Variants in BLK observed in about 807,000 individuals in gnomAD.
BLK encodes the protein tyrosine-protein kinase Blk.
BLK carries 64 observed loss-of-function variants against 61.8 expected under a neutral mutation model. The ratio of observed to expected loss-of-function variants is 1.03; its 90% CI spans 0.85 to 1.27. The LOEUF (loss-of-function observed/expected upper bound fraction) is 1.27, where lower values mean the gene tolerates loss of function less well. Among genes scored for constraint, BLK ranks in the 50% most tolerant of loss-of-function variants. BLK has a pLI of 0.00. For synonymous variants in BLK, 351 were observed against 272.0 expected, an observed-to-expected ratio of 1.29 and a Z score of -2.86; for missense variants, 853 against 660.5, an observed-to-expected ratio of 1.29 and a Z score of -3.19.
chr8:11,525,838 T>C (rs1799632896), intron 1 of BLK, among the ~76,000 whole-genome samples: 1 of 152,074 alleles, frequency 6.6e-6, no homozygotes, highest in Non-Finnish European at 1.5e-5. Flanking sequence ...TCTGCCTCCC[T>C]GGTTCAAGCG....
In BLK at chr8:11,535,846, A is replaced by C. The variant is rs528603419; in HGVS notation, c.-1-7378A>C. 3.9e-5 allele frequency among the ~76,000 whole-genome samples: 6 copies of C among 152,334 alleles called. No homozygotes were observed. The South Asian group carries it at 1.2e-3, about 32-fold the overall frequency. ...GCCTACAGAGGTAACTCTATGTGTA[A>C]GAAGGACGAGAGGGAAGAGCAAGTG... On this transcript the variant is annotated intron_variant, in intron 1 of 12. Transcript: ENST00000259089.
At chr8:11,530,633 T>G (rs79034086) in intron 1 of BLK, among the ~76,000 whole-genome samples, 3,418 of 152,122 alleles carry the variant, frequency 0.022, 81 homozygotes, top group African/African-American at 0.054. Flanking sequence ...CTCTAAATTT[T>G]GTTTACAGGA....
At chr8:11,563,857 G>A (rs746154184) in intron 12 of BLK, 46 bp from the exon 13 acceptor site, 7 of 1,524,038 alleles carry the variant, frequency 4.6e-6, no homozygotes, top group Admixed American at 1.8e-5. Context: ...CCCACCCACC[G>A]AGGACCCCAG....
intron 1 of BLK, among the ~76,000 whole-genome samples, chr8:11,524,863 G>A (rs890420441): frequency 2.7e-5 from 4 of 149,896 alleles, no homozygotes; most frequent in African/African-American, 9.9e-5. Context: ...GATACGCTCT[G>A]CTAAAAGCAG....
chr8:11,508,653 A>G (rs1195449974), intron 1 of BLK, among the ~76,000 whole-genome samples: 1 of 152,200 alleles, frequency 6.6e-6, no homozygotes, highest in Admixed American at 6.5e-5. Flanking sequence ...TGGAACTGTC[A>G]CTAGTCAATC....
At chr8:11,500,827 A>G (rs1433614384) in intron 1 of BLK, among the ~76,000 whole-genome samples, 1 of 152,086 alleles carries the variant, frequency 6.6e-6, no homozygotes, top group Admixed American at 6.5e-5. Flanking sequence ...CTTTTATGTT[A>G]AAGTTTATAT....
At chr8:11,556,430 G>A (rs539034275) in intron 8 of BLK, 3 of 590,198 alleles carry the variant, frequency 5.1e-6, no homozygotes, top group African/African-American at 1.8e-5. Context: ...GCAAATAGGT[G>A]AAATGCCCCC....
In BLK at chr8:11,564,220, C is replaced by A; in HGVS notation, c.*112C>A. The A allele has an allele frequency of 7.6e-7, 1 of 1,317,686 alleles. No individual in the cohort carries two copies. Among genetic ancestry groups the A allele is most frequent in the Non-Finnish European group, 1.1e-6 (1 of 951,826 alleles). The allele number at this position is 1,317,686 out of a possible 1,614,324, so 81.6% of individuals were successfully genotyped here. ...GTGTCGCCTGTGCCCTTTTCTCAGA[C>A]CCGGAATCCAGTGGGCAGAGGCAGC... On this transcript the variant is annotated 3_prime_UTR_variant, in exon 13 of 13. Coordinates refer to ENST00000259089, the MANE Select transcript of BLK (RefSeq NM_001715.3).
chr8:11,521,870 G>T (rs562310164), intron 1 of BLK, among the ~76,000 whole-genome samples: 17 of 151,576 alleles, frequency 1.1e-4, no homozygotes, highest in African/African-American at 3.1e-4. Flanking sequence ...CTCTATCTTG[G>T]TTTTTTTTCT....
chr8:11,511,657 T>TGGGAAATTTGCCA (rs1183439133), intron 1 of BLK, among the ~76,000 whole-genome samples: 1 of 152,184 alleles, frequency 6.6e-6, no homozygotes, highest in African/African-American at 2.4e-5. Flanking sequence ...CACTTATTAT[T>TGGGAAATTTGCCA]GTTGAAAACT....
chr8:11,498,179 A>G (rs757121487), intron 1 of BLK, among the ~76,000 whole-genome samples: 8 of 152,234 alleles, frequency 5.3e-5, no homozygotes, highest in Non-Finnish European at 1.0e-4. Context: ...GAGGCAAACA[A>G]GACACACCTG....
At chr8:11,540,584 A>G (rs1800329100) in intron 1 of BLK, among the ~76,000 whole-genome samples, 2 of 152,354 alleles carry the variant, frequency 1.3e-5, no homozygotes, top group South Asian at 4.1e-4. Flanking sequence ...AAAAGAGAAC[A>G]GAGTATAATA....
intron 10 of BLK, chr8:11,561,070 G>T: frequency 1.5e-6 from 1 of 688,452 alleles, no homozygotes; most frequent in Non-Finnish European, 2.6e-6. Context: ...CGAGGAGGGG[G>T]AGGGGCACAG....
intron 1 of BLK, among the ~76,000 whole-genome samples, chr8:11,505,117 C>G (rs902127041): frequency 6.6e-6 from 1 of 152,172 alleles, no homozygotes. Flanking sequence ...GGCACACATA[C>G]AGGTACATCT....
At chr8:11,524,544 G>C (rs950962803) in intron 1 of BLK, among the ~76,000 whole-genome samples, 2 of 152,180 alleles carry the variant, frequency 1.3e-5, no homozygotes, top group Non-Finnish European at 2.9e-5. Context: ...CGAAATGTCT[G>C]AAGGACAATT....
chr8:11,559,388 CACAG>C (rs370845513), intron 10 of BLK, among the ~76,000 whole-genome samples: 4,028 of 111,882 alleles, frequency 0.036, 73 homozygotes, highest in African/African-American at 0.064. Context: ...CAAACTCACA[CACAG>C]ACAGACACAC....
At chr8:11,527,631 A>T (rs1799712178) in intron 1 of BLK, among the ~76,000 whole-genome samples, 1 of 152,018 alleles carries the variant, frequency 6.6e-6, no homozygotes, top group Non-Finnish European at 1.5e-5. Flanking sequence ...GGTGTTGCTG[A>T]TTGCTTGTAA....
intron 9 of BLK, 25 bp from the exon 10 acceptor site, chr8:11,557,937 G>T (rs764652031): frequency 6.8e-6 from 11 of 1,610,794 alleles, no homozygotes; most frequent in African/African-American, 1.3e-5. Flanking sequence ...TTGCAGAAGG[G>T]CACTTGCAAC....
chr8:11,545,334 A>AG (rs1428962519), intron 2 of BLK, among the ~76,000 whole-genome samples: 1 of 152,224 alleles, frequency 6.6e-6, no homozygotes, highest in Non-Finnish European at 1.5e-5. Flanking sequence ...GGATCACTTG[A>AG]GGCCAGGAGT....
Sources: allele counts gnomAD v4.1 joint callset (sites outside exome capture counted in the v4.1 genomes callset), GRCh38; gene constraint gnomAD v4.1.1; transcripts MANE v1.5; gene names NCBI Gene and HGNC (gene_info 2026-07-23, HGNC 2026-07-21).